Variants in AGAP6 observed in about 807,000 individuals in gnomAD.
AGAP6 encodes the protein arf-GAP with GTPase, ANK repeat and PH domain-containing protein 6.
A neutral mutation model predicts 63.9 loss-of-function variants in AGAP6; 29 were observed. The ratio of observed to expected loss-of-function variants is 0.45; its 90% CI spans 0.34 to 0.62. AGAP6 has a LOEUF of 0.62. AGAP6 is among the 20% of genes least tolerant of loss of function. AGAP6 has a pLI of 0.01. For synonymous variants in AGAP6, 199 were observed against 332.9 expected (o/e 0.60, Z 4.38); for missense variants, 493 against 884.9 (o/e 0.56, Z 5.62).
intron 6 of AGAP6, among the ~76,000 whole-genome samples, chr10:50,006,027 TA>T (rs1841903358): frequency 1.3e-5 from 2 of 151,622 alleles, no homozygotes; most frequent in African/African-American, 4.8e-5. Flanking sequence ...TTGTTAACAC[TA>T]AATCAAAACT....
intron 4 of AGAP6, among the ~76,000 whole-genome samples, chr10:50,001,577 GC>G (rs1235849584): frequency 9.9e-6 from 1 of 101,084 alleles, no homozygotes; most frequent in African/African-American, 3.4e-5. Flanking sequence ...CTGCTACCAC[GC>G]CCGGCTAATT....
Position 49,988,763 on chromosome 10 carries a change from G to T in AGAP6, c.48G>T (p.Glu16Asp), listed in dbSNP as rs1841140226. The change falls in exon 1 of 8, where the codon GAG (glutamate) becomes GAT (aspartate). Residue 16 changes from glutamate to aspartate, a missense_variant. Physicochemically the swap from Glu to Asp is conservative, Grantham distance 45. Transcript: ENST00000412531. ...TCRVHPSVSLEFDQQQGSVCP... is the reference protein window; with the variant it reads ...TCRVHPSVSLDFDQQQGSVCP... Reference sequence around the variant, plus strand: ...GTGTGCACCCTAGCGTCAGCCTCGAGTTTGACCAGCAGCAGGGGTCGGTGT... The same window carrying T: ...GTGTGCACCCTAGCGTCAGCCTCGATTTTGACCAGCAGCAGGGGTCGGTGT... 4.4e-6 allele frequency: 7 copies of T among 1,589,272 alleles called. No individual in the cohort carries two copies. The Admixed American group carries it at 1.2e-4, about 27-fold the overall frequency.
In AGAP6 at chr10:50,010,002, C is replaced by T. The variant is rs782772873; in HGVS notation, c.1877C>T (p.Thr626Met). The change falls in exon 8 of 8, where the codon ACG (threonine) becomes ATG (methionine). Residue 626 changes from threonine (T) to methionine (M), a missense_variant. This residue lies in a region of AGAP6 where 34 missense variants were observed against 82.7 expected (regional missense o/e 0.41). Transcript: ENST00000412531. ...NETCGEGDGC[T>M]ALHLACRKGN... ...ACCTGTGGGGAGGGAGACGGCTGCA[C>T]GGCGCTCCATCTGGCCTGCCGCAAG... 40 of 1,611,554 alleles carry T rather than the reference C, an allele frequency of 2.5e-5. No homozygotes were observed. The highest frequency in any genetic ancestry group is 1.3e-4 in the African/African-American group (10 of 74,718).
At position 50,009,999 on chromosome 10, in the gene AGAP6, G is replaced by A. The variant is rs1554865552; in HGVS notation, c.1874G>A (p.Cys625Tyr). Residue 625 changes from cysteine to tyrosine, a missense_variant, in exon 8 of 8, where the codon TGC (cysteine) becomes TAC (tyrosine). This residue lies in a region of AGAP6 where 34 missense variants were observed against 82.7 expected (regional missense o/e 0.41). Coordinates refer to ENST00000412531, the MANE Select transcript of AGAP6 (RefSeq NM_001077665.3). ...GAGACCTGTGGGGAGGGAGACGGCT[G>A]CACGGCGCTCCATCTGGCCTGCCGC... ...VNETCGEGDG[C>Y]TALHLACRKG... 6.2e-7 allele frequency: 1 copy of A among 1,611,828 alleles called. No homozygotes were observed.
intron 1 of AGAP6, 103 bp downstream of exon 1, chr10:49,989,041 G>A (rs537629636): frequency 1.3e-6 from 2 of 1,596,442 alleles, no homozygotes; most frequent in East Asian, 2.2e-5. Flanking sequence ...CTTTCTGCTT[G>A]TAGCCAGCTT....
rs1445474092 is a variant in AGAP6 at position 49,989,309 on chromosome 10, T to C, written c.225T>C (p.Ala75=). 1.3e-6 allele frequency: 2 copies of C among 1,597,386 alleles called. No individual in the cohort carries two copies. The highest frequency in any genetic ancestry group is 2.7e-5 in the African/African-American group (2 of 74,832). Residue 75 remains alanine, a splice_region_variant and synonymous_variant, in exon 2 of 8, where the codon GCT becomes GCC. Transcript: ENST00000412531. The stretch of plus-strand genomic sequence containing the variant: ...TCTTTTCTCCCTCTATACATATAGC[T>C]TTGGAGTTTAACCTTTCTGCCAATC... ...HHVRDREMPE[A]LEFNLSANPE...
intron 4 of AGAP6, among the ~76,000 whole-genome samples, chr10:49,997,753 C>T (rs77276612): frequency 6.7e-6 from 1 of 150,178 alleles, no homozygotes. Context: ...ATCCGCTGAA[C>T]CCAATTTGTA....
In AGAP6 at chr10:50,008,434, A is replaced by C. The variant is rs535187709; in HGVS notation, c.586-277A>C. 422 of 559,438 alleles carry C rather than the reference A, an allele frequency of 7.5e-4. 1 individual carries two copies. Among genetic ancestry groups the C allele is most frequent in the Non-Finnish European group, 9.3e-4 (412 of 441,394 alleles). The allele number at this position is 559,438 out of a possible 1,614,324, so 34.7% of individuals were successfully genotyped here. ...ATTCTCCTGCCTCAGCCTCCTGAGT[A>C]ACTGGAATTACAGGCATGTGCCACC... On this transcript the variant is annotated intron_variant, in intron 7 of 7. Coordinates refer to ENST00000412531, the MANE Select transcript of AGAP6 (RefSeq NM_001077665.3).
Position 50,009,043 on chromosome 10 carries a change from C to G in AGAP6, c.918C>G (p.Thr306=), listed in dbSNP as rs1842016968. The G allele has an allele frequency of 1.2e-6, 2 of 1,613,476 alleles. No individual in the cohort carries two copies. Among genetic ancestry groups the G allele is most frequent in the Non-Finnish European group, 1.7e-6 (2 of 1,179,854 alleles). ...WLKTWKKKYV[T]LCSNGMLTYY... ...AGACATGGAAAAAGAAATACGTCACCCTGTGTTCCAATGGCATGCTCACCT... is the reference window on the plus strand; with the variant it reads ...AGACATGGAAAAAGAAATACGTCACGCTGTGTTCCAATGGCATGCTCACCT... Residue 306 remains threonine (T), a synonymous_variant, in exon 8 of 8, where the codon ACC becomes ACG. Transcript: ENST00000412531.
rs2132136019 is a variant in AGAP6, at chr10:49,997,964, C to G, written c.396+3535C>G. 1.5e-5 allele frequency among the ~76,000 whole-genome samples: 2 copies of G among 130,534 alleles called. 1 individual carries two copies. Among genetic ancestry groups the G allele is most frequent in the African/African-American group, 5.9e-5 (2 of 33,736 alleles). The allele number at this position is 130,534 out of a possible 152,430, so 85.6% of individuals were successfully genotyped here. The stretch of plus-strand genomic sequence containing the variant: ...TTGCTGGGAATGCCATGAATTTATT[C>G]CTTATTATGGCTGAGGTGGAATTCC... On this transcript the variant is annotated intron_variant, in intron 4 of 7. Coordinates refer to ENST00000412531, the MANE Select transcript of AGAP6 (RefSeq NM_001077665.3).
chr10:50,009,038 G>T lies in AGAP6; in HGVS notation c.913G>T (p.Val305Phe). 1.2e-6 allele frequency: 2 copies of T among 1,613,646 alleles called. No individual in the cohort carries two copies. The highest frequency in any genetic ancestry group is 1.7e-6 in the Non-Finnish European group (2 of 1,179,864). Residue 305 changes from valine to phenylalanine, a missense_variant, in exon 8 of 8, where the codon GTC (valine) becomes TTC (phenylalanine). Physicochemically the swap from Val to Phe is conservative, Grantham distance 50 (BLOSUM62 -1). Coordinates refer to ENST00000412531, the MANE Select transcript of AGAP6 (RefSeq NM_001077665.3). ...GCTGAAGACATGGAAAAAGAAATAC[G>T]TCACCCTGTGTTCCAATGGCATGCT... ...KWLKTWKKKY[V>F]TLCSNGMLTY...
intron 4 of AGAP6, among the ~76,000 whole-genome samples, chr10:49,995,228 A>C (rs1364055458): frequency 6.6e-6 from 1 of 152,266 alleles, no homozygotes; most frequent in Admixed American, 6.5e-5. Context: ...TGGTGTTTTC[A>C]CTGTGTCTCT....
At chr10:49,991,802 G>A (rs1345659729) in intron 3 of AGAP6, 58 bp downstream of exon 3, 9 of 1,589,248 alleles carry the variant, frequency 5.7e-6, no homozygotes, top group South Asian at 1.1e-5. Flanking sequence ...GTTTGATCAG[G>A]TTATAGAAAG....
In AGAP6 at chr10:49,999,979, G is replaced by A. The variant is rs1245295612; in HGVS notation, c.397-2017G>A. 7.9e-5 allele frequency among the ~76,000 whole-genome samples: 11 copies of A among 138,620 alleles called. 1 individual carries two copies. Among genetic ancestry groups the A allele is most frequent in the Admixed American group, 6.5e-4 (8 of 12,330 alleles). The allele number at this position is 138,620 out of a possible 152,430, so 90.9% of individuals were successfully genotyped here. ...TAGTATTTTTAATGGGTTAAAATGA[G>A]AGGCAGCAGGTACAGCAGAAGAAGT... On this transcript the variant is annotated intron_variant, in intron 4 of 7. Transcript: ENST00000412531.
intron 6 of AGAP6, among the ~76,000 whole-genome samples, chr10:50,005,163 T>G (rs1362818163): frequency 4.6e-5 from 7 of 152,190 alleles, no homozygotes; most frequent in Admixed American, 3.9e-4. Flanking sequence ...GAGAACAGTA[T>G]TGTTAACAGA....
Position 50,009,559 on chromosome 10 carries a change from C to T in AGAP6, c.1434C>T (p.His478=). 1 of 1,613,906 alleles carries T rather than the reference C, an allele frequency of 6.2e-7. No homozygotes were observed. Among genetic ancestry groups the T allele is most frequent in the Non-Finnish European group, 8.5e-7 (1 of 1,179,970 alleles). ...QSIQNMRGNA[H]CVDCETQNPK... ...TCCAAAACATGCGTGGGAACGCCCA[C>T]TGTGTGGACTGTGAGACCCAGAATC... Residue 478 remains histidine, a synonymous_variant, in exon 8 of 8, where the codon CAC becomes CAT. Transcript: ENST00000412531.
At chr10:49,998,984 G>C (rs1169531830) in intron 4 of AGAP6, among the ~76,000 whole-genome samples, 3 of 141,408 alleles carry the variant, frequency 2.1e-5, no homozygotes, top group African/African-American at 5.4e-5. Flanking sequence ...GAGGCTGAGG[G>C]AGACGGATCA....
At chr10:50,001,297 T>C (rs1343728392) in intron 4 of AGAP6, among the ~76,000 whole-genome samples, 1 of 150,562 alleles carries the variant, frequency 6.6e-6, no homozygotes, top group Non-Finnish European at 1.5e-5. Context: ...ACCACTGCAC[T>C]CCAGCCTGGG....
At chr10:49,995,553 C>G (rs563396106) in intron 4 of AGAP6, among the ~76,000 whole-genome samples, 3 of 152,268 alleles carry the variant, frequency 2.0e-5, no homozygotes, top group East Asian at 1.9e-4. Flanking sequence ...TGTGGGGCAA[C>G]TTTCTTTGGC....
Sources: gnomAD v4.1 joint callset for allele counts (sites outside exome capture counted in the v4.1 genomes callset) on GRCh38, gnomAD v4.1.1 for gene constraint, gnomAD v4.1.1 regional missense constraint, MANE v1.5 for transcripts, NCBI Gene and HGNC (gene_info 2026-07-23, HGNC 2026-07-21) for gene names.